VPS16: variants seen among roughly 807,000 people sequenced by gnomAD.
VPS16 encodes the protein VPS16 core subunit of CORVET and HOPS complexes, also known as vacuolar protein sorting-associated protein 16 homolog.
VPS16 carries 82 observed loss-of-function variants against 116.0 expected under a neutral mutation model. The observed-to-expected ratio is 0.71, with a 90% confidence interval of 0.59 to 0.85. The LOEUF is 0.85. VPS16 is among the 40% of genes least tolerant of loss of function. The pLI, the probability that VPS16 is intolerant of heterozygous loss-of-function variation, is 0.00. For synonymous variants in VPS16, 406 were observed against 420.7 expected, an observed-to-expected ratio of 0.96 and a Z score of 0.43; for missense variants, 928 against 1,090.6, an observed-to-expected ratio of 0.85 and a Z score of 2.10.
At chr20:2,843,352 A>AGGC (rs2089028417) in intron 1 of VPS16, among the ~76,000 whole-genome samples, 1 of 152,034 alleles carries the variant, frequency 6.6e-6, no homozygotes, top group African/African-American at 2.4e-5. Context: ...GAATTGCTTG[A>AGGC]ACCTGGGAGG....
intron 1 of VPS16, among the ~76,000 whole-genome samples, chr20:2,857,100 C>T (rs1242795616): frequency 2.0e-5 from 3 of 151,966 alleles, no homozygotes; most frequent in Non-Finnish European, 2.9e-5. Flanking sequence ...GCCTCAGCCT[C>T]CTGACTAGCT....
Position 2,860,095 on chromosome 20 carries a change from G to T in VPS16, c.184G>T (p.Val62Leu). The change falls in exon 3 of 24, where the codon GTG becomes TTG. Residue 62 changes from valine (V) to leucine (L), a missense_variant. Val to Leu is a conservative substitution (Grantham distance 32, BLOSUM62 1). Coordinates refer to ENST00000380445, the MANE Select transcript of VPS16 (RefSeq NM_022575.4). This position sits in a 1 kb window ranked among gnomAD's most constrained non-coding sequence, Gnocchi z 6.1. ...NPWRKEKAAS[V>L]RPVLDIYSAS... ...CTGGCGGAAGGAGAAAGCTGCTAGTGTGAGGCCAGTGCTCGATATATACTC... is the reference window on the plus strand; with the variant it reads ...CTGGCGGAAGGAGAAAGCTGCTAGTTTGAGGCCAGTGCTCGATATATACTC... The T allele has an allele frequency of 6.2e-7, 1 of 1,614,064 alleles. No homozygotes were observed. The highest frequency in any genetic ancestry group is 8.5e-7 in the Non-Finnish European group (1 of 1,180,026).
At chr20:2,844,862 C>G (rs147315806) in intron 1 of VPS16, among the ~76,000 whole-genome samples, 1 of 152,194 alleles carries the variant, frequency 6.6e-6, no homozygotes, top group Non-Finnish European at 1.5e-5. Flanking sequence ...CTGTAGGCAA[C>G]AAGAACAGGA....
In VPS16 at chr20:2,844,796, G is replaced by A. The variant is rs571144702; in HGVS notation, c.53+3969G>A. On this transcript the variant is annotated intron_variant, in intron 1 of 23. Transcript: ENST00000380445. ...AGAGCATATACACAAAAGTCTTGAGGCAGGAAGGACTGAGGCATGCACAGT... is the reference window on the plus strand; with the variant it reads ...AGAGCATATACACAAAAGTCTTGAGACAGGAAGGACTGAGGCATGCACAGT... Among the ~76,000 whole-genome samples, 4 of 152,232 alleles carry A rather than the reference G, an allele frequency of 2.6e-5. No homozygotes were observed. In the South Asian group the frequency reaches 8.3e-4, roughly 32 times the overall value.
At chr20:2,862,381 CCTAAAGGCAG>C (rs2050687614) in intron 11 of VPS16, 188 bp from the exon 12 acceptor site, 2 of 1,230,154 alleles carry the variant, frequency 1.6e-6, no homozygotes, top group African/African-American at 3.0e-5. Context: ...TCAAGGCCCC[CCTAAAGGCAG>C]CTGTGGGCTG....
In VPS16 at chr20:2,840,752, C is replaced by T. The variant is rs1302152949; in HGVS notation, c.-23C>T. ...CTAGGTGGGTGTCCCCTCGGTGCTTCCCAGCTGCCGTCTGCACCAGCCATG... is the reference window on the plus strand; with the variant it reads ...CTAGGTGGGTGTCCCCTCGGTGCTTTCCAGCTGCCGTCTGCACCAGCCATG... On this transcript the variant is annotated 5_prime_UTR_variant, in exon 1 of 24. Coordinates refer to ENST00000380445, the MANE Select transcript of VPS16 (RefSeq NM_022575.4). 6.5e-7 allele frequency: 1 copy of T among 1,547,918 alleles called. No individual in the cohort carries two copies. Among genetic ancestry groups the T allele is most frequent in the Non-Finnish European group, 8.7e-7 (1 of 1,146,422 alleles).
At chr20:2,862,759 G>GGGGGGGA in intron 12 of VPS16, 48 bp from the exon 13 acceptor site, 2 of 777,200 alleles carry the variant, frequency 2.6e-6, no homozygotes, top group Non-Finnish European at 4.2e-6. Flanking sequence ...GAGGGGGTGG[G>GGGGGGGA]ATGGGCAGCA....
At position 2,860,562 on chromosome 20, in the gene VPS16, C is replaced by T. The variant is rs546391456; in HGVS notation, c.483C>T (p.Asp161=). The T allele has an allele frequency of 2.0e-5, 32 of 1,613,850 alleles. No individual in the cohort carries two copies. The highest frequency in any genetic ancestry group is 2.0e-4 in the South Asian group (18 of 91,080). The change falls in exon 5 of 24, where the codon GAC becomes GAT. Residue 161 remains aspartate (D), a synonymous_variant. Transcript: ENST00000380445. This position sits in a 1 kb window ranked among gnomAD's most constrained non-coding sequence, Gnocchi z 6.1. ...HRFTLSANVG[D]LKLRRMPEVP... ...TCACCCTCAGTGCCAATGTGGGTGA[C>T]CTCAAACTCCGCCGGATGCCAGAGG... is the stretch of plus-strand genomic sequence containing the variant.
chr20:2,849,708 A>C (rs79662626), intron 1 of VPS16, among the ~76,000 whole-genome samples: 3,893 of 152,130 alleles, frequency 0.026, 140 homozygotes, highest in African/African-American at 0.076. Flanking sequence ...TCTCTTTGTA[A>C]ATGTTCAAGT....
At chr20:2,842,907 T>TCTATCGATA (rs1240433377) in intron 1 of VPS16, among the ~76,000 whole-genome samples, 52 of 151,150 alleles carry the variant, frequency 3.4e-4, no homozygotes, top group African/African-American at 7.1e-4. Flanking sequence ...GATAGATATA[T>TCTATCGATA]GTTATGGATT....
chr20:2,857,695 A>T (rs537465640), intron 1 of VPS16, among the ~76,000 whole-genome samples: 1 of 151,230 alleles, frequency 6.6e-6, no homozygotes, highest in African/African-American at 2.4e-5. Flanking sequence ...TTTTTATTTT[A>T]ATTTTATTTA....
intron 1 of VPS16, among the ~76,000 whole-genome samples, chr20:2,845,275 A>G (rs994942893): frequency 6.6e-6 from 1 of 152,108 alleles, no homozygotes. Context: ...AGAGCAAGGA[A>G]TCAAGGATGA....
At chr20:2,862,433 G>A in intron 11 of VPS16, 146 bp from the exon 12 acceptor site, 2 of 1,441,552 alleles carry the variant, frequency 1.4e-6, no homozygotes, top group Non-Finnish European at 9.2e-7. Context: ...CACCTCAGGT[G>A]GATTGAGTGG....
intron 1 of VPS16, among the ~76,000 whole-genome samples, chr20:2,856,011 T>A (rs6051445): frequency 0.51 from 77,553 of 151,888 alleles, 22,562 homozygotes; most frequent in African/African-American, 0.78. Context: ...GTTGGCTAAC[T>A]GGCACACGAG....
chr20:2,861,660 G>T lies in VPS16; in HGVS notation c.855G>T (p.Trp285Cys), dbSNP rs766503542. ...RSKERAVVVA[W>C]ERRLMVVGDA... ...AGGAGAGGGCCGTGGTGGTGGCCTGGGAAAGGCGGCTGATGGTGGTGGGCG... is the reference window on the plus strand; with the variant it reads ...AGGAGAGGGCCGTGGTGGTGGCCTGTGAAAGGCGGCTGATGGTGGTGGGCG... Residue 285 changes from tryptophan to cysteine, a missense_variant, in exon 9 of 24, where the codon TGG (tryptophan) becomes TGT (cysteine). Trp to Cys is a radical substitution (Grantham distance 215). Transcript: ENST00000380445. 2.5e-6 allele frequency: 4 copies of T among 1,613,282 alleles called. No homozygotes were observed. The highest frequency in any genetic ancestry group is 3.4e-6 in the Non-Finnish European group (4 of 1,179,898).
At chr20:2,857,549 C>T (rs1414209526) in intron 1 of VPS16, among the ~76,000 whole-genome samples, 3 of 151,338 alleles carry the variant, frequency 2.0e-5, no homozygotes, top group Admixed American at 6.6e-5. Flanking sequence ...CTCTGTCGCC[C>T]AGGCAGCTGG....
rs753842791 is a variant in VPS16 at position 2,860,407 on chromosome 20, A to G, written c.369+40A>G. 8 of 1,613,912 alleles carry G rather than the reference A, an allele frequency of 5.0e-6. No individual in the cohort carries two copies. The East Asian group carries it at 6.7e-5, about 13-fold the overall frequency. On this transcript the variant is annotated intron_variant, in intron 4 of 23. Transcript: ENST00000380445. The surrounding 1 kb of genome is among the most constrained non-coding windows in gnomAD (Gnocchi z 6.1). ...GGGCTGGGGACGCGGGGTAGAGTTT[A>G]TGACCCTGTGGCTCCCTTAACCCAT...
In VPS16 at chr20:2,863,975, G is replaced by A. The variant is rs2089280219; in HGVS notation, c.1503G>A (p.Glu501=). ...YKVQQKDVSD[E]DVARAINQKL... is the part of the protein sequence containing the mutation. ...TGCAACAGAAGGATGTCTCAGATGAGGATGTGGCTCGAGCCATTAACCAGA... is the reference window on the plus strand; with the variant it reads ...TGCAACAGAAGGATGTCTCAGATGAAGATGTGGCTCGAGCCATTAACCAGA... The change falls in exon 16 of 24, where the codon GAG becomes GAA. Residue 501 remains glutamate (E), a synonymous_variant. Transcript: ENST00000380445. The surrounding 1 kb of genome is among the most constrained non-coding windows in gnomAD (Gnocchi z 4.4). 2 of 1,614,006 alleles carry A rather than the reference G, an allele frequency of 1.2e-6. No individual in the cohort carries two copies. The highest frequency in any genetic ancestry group is 1.3e-5 in the African/African-American group (1 of 74,912).
intron 1 of VPS16, among the ~76,000 whole-genome samples, chr20:2,856,715 C>T (rs936835103): frequency 6.6e-6 from 1 of 152,126 alleles, no homozygotes; most frequent in South Asian, 2.1e-4. Context: ...CCCATAGTCT[C>T]GTTTCAAGTA....
Sources: gnomAD v4.1 joint callset for allele counts (sites outside exome capture counted in the v4.1 genomes callset) on GRCh38, gnomAD v4.1.1 for gene constraint, Gnocchi (gnomAD v3.1) non-coding constraint, MANE v1.5 for transcripts, NCBI Gene and HGNC (gene_info 2026-07-23, HGNC 2026-07-21) for gene names.